The following SPAG1 variants were observed in gnomAD, a reference collection of about 807,000 sequenced individuals.
SPAG1 encodes the protein sperm associated antigen 1, also known as sperm-associated antigen 1.
A neutral mutation model predicts 100.5 loss-of-function variants in SPAG1; 69 were observed. The ratio of observed to expected loss-of-function variants is 0.69; its 90% CI spans 0.57 to 0.84. The LOEUF (loss-of-function observed/expected upper bound fraction) is 0.84. SPAG1 is among the 40% of genes least tolerant of loss of function. The pLI is 0.00. For missense variants in SPAG1, 955 were observed against 1,133.1 expected, an observed-to-expected ratio of 0.84 and a Z score of 2.26; for synonymous variants, 336 against 411.6, an observed-to-expected ratio of 0.82 and a Z score of 2.22.
chr8:100,220,299 T>C lies in SPAG1; in HGVS notation c.1556T>C (p.Phe519Ser). Residue 519 changes from phenylalanine to serine, a missense_variant, in exon 13 of 19, where the codon TTC becomes TCC. Physicochemically the swap from Phe to Ser is radical, Grantham distance 155 (BLOSUM62 -2). Transcript: ENST00000388798. Reference sequence around the variant, plus strand: ...TTTAGGGCTCTGGAACTTCATCCATTCTCTATGAAACCTCTTCTGAGGCGG... The same window carrying C: ...TTTAGGGCTCTGGAACTTCATCCATCCTCTATGAAACCTCTTCTGAGGCGG... ...DCNRALELHP[F>S]SMKPLLRRAM... 6.2e-7 allele frequency: 1 copy of C among 1,610,078 alleles called. No individual in the cohort carries two copies. The highest frequency in any genetic ancestry group is 8.5e-7 in the Non-Finnish European group (1 of 1,179,084).
intron 10 of SPAG1, chr8:100,194,550 T>C: frequency 1.9e-6 from 1 of 527,378 alleles, no homozygotes; most frequent in East Asian, 3.0e-5. Context: ...ACAGACCATT[T>C]GCCAGTTAAC....
chr8:100,211,476 C>T lies in SPAG1; in HGVS notation c.1097-1614C>T, dbSNP rs559204412. On this transcript the variant is annotated intron_variant, in intron 10 of 18. Coordinates refer to ENST00000388798, the MANE Select transcript of SPAG1 (RefSeq NM_003114.5). ...TTTGAGACCATCCTGGACAACATAGCAAGGCCTCATCTGTATAAAAAATTT... is the reference window on the plus strand; with the variant it reads ...TTTGAGACCATCCTGGACAACATAGTAAGGCCTCATCTGTATAAAAAATTT... Among the ~76,000 whole-genome samples the T allele has an allele frequency of 1.3e-5, 2 of 152,218 alleles. 1 individual carries two copies. The highest frequency in any genetic ancestry group is 4.1e-4 in the South Asian group (2 of 4,828).
At chr8:100,201,558 C>CAT (rs983720214) in intron 10 of SPAG1, among the ~76,000 whole-genome samples, 34 of 152,022 alleles carry the variant, frequency 2.2e-4, no homozygotes, top group African/African-American at 8.2e-4. Context: ...TGTGTATATC[C>CAT]ATATATATAT....
intron 16 of SPAG1, among the ~76,000 whole-genome samples, chr8:100,238,174 A>G (rs1819094000): frequency 6.6e-6 from 1 of 152,146 alleles, no homozygotes; most frequent in South Asian, 2.1e-4. Flanking sequence ...ATATAAATAC[A>G]GTGTCATTTT....
chr8:100,223,979 G>A (rs948044007), intron 13 of SPAG1, among the ~76,000 whole-genome samples: 10 of 152,030 alleles, frequency 6.6e-5, no homozygotes, highest in Non-Finnish European at 8.8e-5. Flanking sequence ...AAAAAGTTGC[G>A]ACTAGATTTA....
At position 100,169,165 on chromosome 8, in the gene SPAG1, C is replaced by T. The variant is rs953626370; in HGVS notation, c.300+3192C>T. 3.9e-5 allele frequency among the ~76,000 whole-genome samples: 6 copies of T among 152,088 alleles called. No homozygotes were observed. The South Asian group carries it at 6.2e-4, about 16-fold the overall frequency. ...TAATTCTTATATCTAGGTCTATAATCAGTTTTAATTTTTGTATTGGTGTTT... is the reference window on the plus strand; with the variant it reads ...TAATTCTTATATCTAGGTCTATAATTAGTTTTAATTTTTGTATTGGTGTTT... On this transcript the variant is annotated intron_variant, in intron 3 of 18. Transcript: ENST00000388798.
chr8:100,210,480 C>G (rs985072620), intron 10 of SPAG1, among the ~76,000 whole-genome samples: 1 of 152,160 alleles, frequency 6.6e-6, no homozygotes, highest in Non-Finnish European at 1.5e-5. Flanking sequence ...GTTGGCCATT[C>G]ATTCCTTTGA....
chr8:100,184,031 G>A lies in SPAG1; in HGVS notation c.564G>A (p.Leu188=), dbSNP rs1816481331. 2 of 1,519,094 alleles carry A rather than the reference G, an allele frequency of 1.3e-6. No individual in the cohort carries two copies. The highest frequency in any genetic ancestry group is 1.4e-5 in the African/African-American group (1 of 69,894). 94.1% of individuals were successfully genotyped at this position (1,519,094 alleles called of 1,614,324 possible). A position where few individuals can be genotyped will look rare whatever the true frequency, so the allele number is the denominator to read the frequency against. ...KEKTVIDKSH[L]SKIETRIDTA... ...AGACGGTAATAGACAAGTCACACTT[G>A]TCTAAAATTGAGACAAGAATAGATA... Residue 188 remains leucine (L), a synonymous_variant, in exon 6 of 19, where the codon TTG becomes TTA. Transcript: ENST00000388798.
chr8:100,227,691 C>T (rs951465323), intron 14 of SPAG1, among the ~76,000 whole-genome samples: 1 of 152,086 alleles, frequency 6.6e-6, no homozygotes, highest in African/African-American at 2.4e-5. Context: ...TATTTGTTTA[C>T]TGATTGATAG....
At chr8:100,159,009 A>G (rs1815192216) in intron 1 of SPAG1, 1 of 152,032 alleles carries the variant, frequency 6.6e-6, no homozygotes, top group Admixed American at 6.6e-5. Context: ...AAATGTTAAA[A>G]TGATGTTCAG....
At chr8:100,180,381 GTATAA>G (rs1816315416) in intron 4 of SPAG1, among the ~76,000 whole-genome samples, 1 of 152,134 alleles carries the variant, frequency 6.6e-6, no homozygotes, top group East Asian at 1.9e-4. Flanking sequence ...TAAATATTTA[GTATAA>G]TATAACAATA....
At chr8:100,195,555 T>G (rs572689259) in intron 10 of SPAG1, among the ~76,000 whole-genome samples, 2 of 152,008 alleles carry the variant, frequency 1.3e-5, no homozygotes, top group East Asian at 3.9e-4. Context: ...AGGGAGAAAT[T>G]AAGGTAACCA....
At chr8:100,233,906 G>C (rs1818888276) in intron 16 of SPAG1, among the ~76,000 whole-genome samples, 2 of 152,204 alleles carry the variant, frequency 1.3e-5, no homozygotes. Flanking sequence ...GGTTGGGTGG[G>C]GAAGGCATCA....
At chr8:100,178,783 G>A (rs558985857) in intron 4 of SPAG1, among the ~76,000 whole-genome samples, 2 of 152,272 alleles carry the variant, frequency 1.3e-5, no homozygotes, top group South Asian at 4.1e-4. Context: ...GCCACTATCT[G>A]CAATCAGTGA....
intron 7 of SPAG1, among the ~76,000 whole-genome samples, chr8:100,186,060 CTTTTT>C (rs71274962): frequency 3.3e-5 from 3 of 89,962 alleles, no homozygotes; most frequent in South Asian, 8.1e-4. Flanking sequence ...TGGGCAGATT[CTTTTT>C]TTTTTTTTTT....
At chr8:100,240,362 G>A in intron 17 of SPAG1, 41 bp from the exon 18 acceptor site, 2 of 1,541,342 alleles carry the variant, frequency 1.3e-6, no homozygotes, top group Non-Finnish European at 1.7e-6. Flanking sequence ...TGTGGTGATT[G>A]TGGTTCAGTG....
chr8:100,215,814 G>A (rs886917532), intron 12 of SPAG1, among the ~76,000 whole-genome samples: 9 of 152,202 alleles, frequency 5.9e-5, no homozygotes, highest in African/African-American at 9.7e-5. Context: ...GTGAGCCACC[G>A]CGCCCGGCCC....
intron 2 of SPAG1, among the ~76,000 whole-genome samples, chr8:100,164,994 C>T (rs1471272566): frequency 6.6e-6 from 1 of 152,178 alleles, no homozygotes; most frequent in African/African-American, 2.4e-5. Context: ...AAATGAACTA[C>T]CTGTTTGTGT....
At chr8:100,168,570 T>C (rs1815667445) in intron 3 of SPAG1, among the ~76,000 whole-genome samples, 1 of 151,718 alleles carries the variant, frequency 6.6e-6, no homozygotes, top group Non-Finnish European at 1.5e-5. Flanking sequence ...TTTTTTTTTT[T>C]TTAATTGTTT....
Sources: gnomAD v4.1 joint callset for allele counts (sites outside exome capture counted in the v4.1 genomes callset) on GRCh38, gnomAD v4.1.1 for gene constraint, MANE v1.5 for transcripts, NCBI Gene and HGNC (gene_info 2026-07-23, HGNC 2026-07-21) for gene names.